AUTS2: variants seen among roughly 807,000 people sequenced by gnomAD.
AUTS2 encodes autism susceptibility gene 2 protein.
Under a neutral mutation model 112.4 loss-of-function variants are expected in AUTS2, and 17 were observed. The ratio of observed to expected loss-of-function variants is 0.15; its 90% CI spans 0.10 to 0.23. The LOEUF is 0.23. AUTS2 is among the 10% of genes least tolerant of loss of function. The probability of loss-of-function intolerance (pLI) is 1.00; values close to 1 mark genes in which losing one functional copy is unlikely to be tolerated. For synonymous variants in AUTS2, 751 were observed against 702.7 expected, an observed-to-expected ratio of 1.07 and a Z score of -1.09; for missense variants, 1,510 against 1,701.6, an observed-to-expected ratio of 0.89 and a Z score of 1.98.
intron 1 of AUTS2, among the ~76,000 whole-genome samples, chr7:69,639,955 T>G (rs549652736): frequency 6.6e-6 from 1 of 152,206 alleles, no homozygotes; most frequent in Non-Finnish European, 1.5e-5. Flanking sequence ...CTTTGGCTCT[T>G]AATTTTAACC....
intron 1 of AUTS2, among the ~76,000 whole-genome samples, chr7:69,645,850 A>G (rs1373999148): frequency 2.6e-5 from 4 of 152,130 alleles, no homozygotes; most frequent in African/African-American, 9.7e-5. Flanking sequence ...ACATCTCTGA[A>G]TGGCAACAGA....
chr7:70,612,989 G>A (rs553104688), intron 5 of AUTS2, among the ~76,000 whole-genome samples: 14 of 152,114 alleles, frequency 9.2e-5, no homozygotes, highest in East Asian at 3.9e-4. Context: ...GAGACAGCGC[G>A]GTGGTACATC....
At chr7:69,732,565 T>C (rs2129233117) in intron 1 of AUTS2, among the ~76,000 whole-genome samples, 1 of 152,276 alleles carries the variant, frequency 6.6e-6, no homozygotes. Flanking sequence ...ATTTCTTCGT[T>C]TTTATTTTCC....
At chr7:70,536,756 C>T (rs575453118) in intron 5 of AUTS2, among the ~76,000 whole-genome samples, 11 of 151,788 alleles carry the variant, frequency 7.2e-5, no homozygotes, top group Admixed American at 2.6e-4. Flanking sequence ...CAAAATTAGC[C>T]GGGCGAGTTG....
intron 5 of AUTS2, among the ~76,000 whole-genome samples, chr7:70,448,813 C>A (rs1206020549): frequency 1.3e-5 from 2 of 152,128 alleles, no homozygotes; most frequent in African/African-American, 2.4e-5. Context: ...AGAGTTTACC[C>A]AACAAATCAA....
chr7:69,946,604 A>G (rs13223196), intron 2 of AUTS2, among the ~76,000 whole-genome samples: 56 of 127,056 alleles, frequency 4.4e-4, no homozygotes, highest in East Asian at 1.6e-3. Context: ...ACACACACAC[A>G]CACGCACGCA....
chr7:70,265,817 T>G (rs1414259127), intron 4 of AUTS2, among the ~76,000 whole-genome samples: 1 of 152,234 alleles, frequency 6.6e-6, no homozygotes, highest in Non-Finnish European at 1.5e-5. Flanking sequence ...TTAAATGTGG[T>G]TCATTTAGGA....
At chr7:69,742,135 G>T (rs1159217179) in intron 1 of AUTS2, among the ~76,000 whole-genome samples, 2 of 149,448 alleles carry the variant, frequency 1.3e-5, no homozygotes, top group South Asian at 4.2e-4. Context: ...TTTTTTGAGG[G>T]GGGAGGGCAG....
At chr7:70,303,767 C>T (rs371472058) in intron 4 of AUTS2, among the ~76,000 whole-genome samples, 1 of 152,160 alleles carries the variant, frequency 6.6e-6, no homozygotes, top group Non-Finnish European at 1.5e-5. Flanking sequence ...AAGGGTTTTA[C>T]TGGTGCCCTG....
intron 5 of AUTS2, among the ~76,000 whole-genome samples, chr7:70,482,272 A>T (rs1797820241): frequency 6.6e-6 from 1 of 151,482 alleles, no homozygotes; most frequent in African/African-American, 2.4e-5. Flanking sequence ...CCATAGTCCT[A>T]CTCCCCACCT....
intron 4 of AUTS2, among the ~76,000 whole-genome samples, chr7:70,208,679 G>T (rs998133448): frequency 6.6e-6 from 1 of 151,982 alleles, no homozygotes; most frequent in Admixed American, 6.6e-5. Flanking sequence ...TACTTGTGAG[G>T]CTATGGAGAA....
At chr7:70,245,144 G>GTATA (rs71077638) in intron 4 of AUTS2, among the ~76,000 whole-genome samples, 103 of 108,956 alleles carry the variant, frequency 9.5e-4, no homozygotes, top group African/African-American at 3.4e-3. Context: ...GTGTGTGTGT[G>GTATA]TATATATATA....
intron 11 of AUTS2, among the ~76,000 whole-genome samples, chr7:70,772,367 C>T (rs539210953): frequency 6.6e-6 from 1 of 152,326 alleles, no homozygotes; most frequent in East Asian, 1.9e-4. Flanking sequence ...ACAGCTGTCT[C>T]TAAAGGTCAA....
At chr7:69,906,163 A>G (rs1401213411) in intron 2 of AUTS2, among the ~76,000 whole-genome samples, 1 of 152,196 alleles carries the variant, frequency 6.6e-6, no homozygotes, top group East Asian at 1.9e-4. Flanking sequence ...CACTTTTGGT[A>G]GTTGATGAGG....
At chr7:70,510,658 A>G (rs922283532) in intron 5 of AUTS2, among the ~76,000 whole-genome samples, 1 of 152,256 alleles carries the variant, frequency 6.6e-6, no homozygotes, top group African/African-American at 2.4e-5. Context: ...AAAAGCAAAT[A>G]TGAGAATCCA....
At chr7:69,633,885 A>C (rs1221019152) in intron 1 of AUTS2, among the ~76,000 whole-genome samples, 1 of 152,066 alleles carries the variant, frequency 6.6e-6, no homozygotes, top group Non-Finnish European at 1.5e-5. Context: ...ATTGTCTTCC[A>C]ATTTGTAGGC....
chr7:70,763,136 C>G lies in AUTS2; in HGVS notation c.1009C>G (p.Leu337Val), dbSNP rs780596900. Residue 337 changes from leucine to valine, a missense_variant, in exon 7 of 19, where the codon CTG becomes GTG. Physicochemically the swap from Leu to Val is conservative, Grantham distance 32. Coordinates refer to ENST00000342771, the MANE Select transcript of AUTS2 (RefSeq NM_015570.4). The part of the protein sequence containing the change: ...RTEAPPQPPP[L>V]STQPPQGPPE... ...AGAGGCCCCACCTCAACCCCCACCT[C>G]TGAGTACACAGCCACCACAGGGCCC... is the stretch of plus-strand genomic sequence containing the variant. The G allele has an allele frequency of 2.2e-5, 35 of 1,613,920 alleles. No individual in the cohort carries two copies. The highest frequency in any genetic ancestry group is 5.1e-6 in the Non-Finnish European group (6 of 1,179,988).
At chr7:70,463,218 G>T (rs1279335372) in intron 5 of AUTS2, among the ~76,000 whole-genome samples, 2 of 152,200 alleles carry the variant, frequency 1.3e-5, no homozygotes, top group South Asian at 4.1e-4. Flanking sequence ...CAGTGTTCCT[G>T]TTCACTCACT....
chr7:69,876,524 ATATATATATATATATATATATT>A (rs1793804952), intron 1 of AUTS2, among the ~76,000 whole-genome samples: 1 of 41,116 alleles, frequency 2.4e-5, no homozygotes, highest in Non-Finnish European at 4.3e-5. Context: ...ATATATATAT[ATATATATATATATATATATATT>A]TTCAGTGTTC....
Sources: gnomAD v4.1 joint callset for allele counts (sites outside exome capture counted in the v4.1 genomes callset) on GRCh38, gnomAD v4.1.1 for gene constraint, MANE v1.5 for transcripts, NCBI Gene and HGNC (gene_info 2026-07-23, HGNC 2026-07-21) for gene names.